HTR2C: variants seen among roughly 807,000 people sequenced by gnomAD.
HTR2C encodes 5-hydroxytryptamine (serotonin) receptor 2C, G protein-coupled.
HTR2C carries 5 observed loss-of-function variants against 21.0 expected under a neutral mutation model. The observed-to-expected ratio is 0.24, with a 90% CI of 0.12 to 0.50. HTR2C has a LOEUF of 0.50. Ranked by LOEUF, HTR2C falls within the 20% of genes least tolerant of loss-of-function variation. The probability of loss-of-function intolerance (pLI) is 0.98; values close to 1 mark genes in which losing one functional copy is unlikely to be tolerated. For synonymous variants in HTR2C, 150 were observed against 145.3 expected, an observed-to-expected ratio of 1.03 and a Z score of -0.23; for missense variants, 271 against 371.2, an observed-to-expected ratio of 0.73 and a Z score of 2.22.
At chrX:114,627,046 T>A (rs76183491) in intron 2 of HTR2C, among the ~76,000 whole-genome samples, 1 of 110,917 alleles carries the variant, frequency 9.0e-6, no homozygotes, top group Non-Finnish European at 1.9e-5. Flanking sequence ...AAATCCAAGA[T>A]TTTTTTTTGA....
intron 5 of HTR2C, among the ~76,000 whole-genome samples, chrX:114,872,235 A>G (rs1556476758): frequency 9.0e-6 from 1 of 110,864 alleles, no homozygotes; most frequent in Non-Finnish European, 1.9e-5. Flanking sequence ...AAAGGTATCA[A>G]TGTTAAGATC....
intron 2 of HTR2C, among the ~76,000 whole-genome samples, chrX:114,651,003 C>T (rs1930546330): frequency 8.9e-6 from 1 of 111,835 alleles, no homozygotes; most frequent in Admixed American, 9.5e-5. Flanking sequence ...TTGCTCACTT[C>T]TTGCAGTTTA....
At chrX:114,739,419 G>A (rs1556425016) in intron 4 of HTR2C, among the ~76,000 whole-genome samples, 1 of 111,758 alleles carries the variant, frequency 8.9e-6, no homozygotes. Context: ...AAGATATTCA[G>A]TGAGATAGCA....
chrX:114,906,128 T>TG (rs1395619025), intron 5 of HTR2C, among the ~76,000 whole-genome samples: 4 of 112,397 alleles, frequency 3.6e-5, no homozygotes, highest in Non-Finnish European at 7.5e-5. Context: ...AGGTGGTATT[T>TG]GTCTCATTTT....
chrX:114,679,311 C>T (rs1434406317), intron 2 of HTR2C, among the ~76,000 whole-genome samples: 7 of 110,505 alleles, frequency 6.3e-5, no homozygotes, highest in Non-Finnish European at 1.3e-4. Context: ...CAGAGTCTTG[C>T]TCTGCTGCCC....
At chrX:114,816,069 A>T (rs781952640) in intron 4 of HTR2C, among the ~76,000 whole-genome samples, 1 of 111,414 alleles carries the variant, frequency 9.0e-6, no homozygotes, top group East Asian at 2.8e-4. Flanking sequence ...CTCCCAGAAC[A>T]TCATGTGTAC....
chrX:114,809,393 T>G (rs2070509992), intron 4 of HTR2C, among the ~76,000 whole-genome samples: 1 of 104,379 alleles, frequency 9.6e-6, no homozygotes, highest in African/African-American at 3.5e-5. Flanking sequence ...TTTTTTGTTG[T>G]TTTTTTTTTG....
Position 114,851,834 on chromosome X carries a change from C to T in HTR2C, c.550+3631C>T, listed in dbSNP as rs1484537739. Reference sequence around the variant, plus strand: ...TTTAGTGGGCAATGGTTTTATAAAGCAGGATGCAGAAGCTCAGTATGCTCA... The same window carrying T: ...TTTAGTGGGCAATGGTTTTATAAAGTAGGATGCAGAAGCTCAGTATGCTCA... On this transcript the variant is annotated intron_variant, in intron 5 of 5. Transcript: ENST00000276198. Among the ~76,000 whole-genome samples the T allele has an allele frequency of 2.7e-5, 3 of 111,235 alleles. No individual in the cohort carries two copies. In the Admixed American group the frequency reaches 2.9e-4, roughly 11 times the overall value.
At chrX:114,592,968 C>T (rs1322735733) in intron 1 of HTR2C, among the ~76,000 whole-genome samples, 1 of 112,072 alleles carries the variant, frequency 8.9e-6, no homozygotes, top group Non-Finnish European at 1.9e-5. Context: ...TAACAGGGAA[C>T]ATTAGGAAAT....
At chrX:114,825,517 A>G (rs1035516742) in intron 4 of HTR2C, among the ~76,000 whole-genome samples, 2 of 111,740 alleles carry the variant, frequency 1.8e-5, no homozygotes, top group African/African-American at 3.2e-5. Flanking sequence ...TTCTTCAGGT[A>G]TATTTTATGA....
chrX:114,816,864 C>T lies in HTR2C; in HGVS notation c.350-31139C>T, dbSNP rs962476249. On this transcript the variant is annotated intron_variant, in intron 4 of 5. Transcript: ENST00000276198. ...AATTCTGGGAAGATGAAAATGTTGA[C>T]GATTTAAAACCTATTCAAAGAAAAA... Among the ~76,000 whole-genome samples, 14 of 109,356 alleles carry T rather than the reference C, an allele frequency of 1.3e-4. No individual in the cohort carries two copies. In the East Asian group the frequency reaches 2.9e-3, roughly 23 times the overall value. The allele number at this position is 109,356 out of a possible 115,157, so 95.0% of individuals were successfully genotyped here. A position where few individuals can be genotyped will look rare whatever the true frequency, so the allele number is the denominator to read the frequency against.
chrX:114,751,653 G>C (rs1267451366), intron 4 of HTR2C, among the ~76,000 whole-genome samples: 1 of 111,669 alleles, frequency 9.0e-6, no homozygotes, highest in Non-Finnish European at 1.9e-5. Context: ...TGTCATTTGA[G>C]TACTTACTTC....
chrX:114,667,044 T>C (rs1217022037), intron 2 of HTR2C, among the ~76,000 whole-genome samples: 2 of 111,164 alleles, frequency 1.8e-5, no homozygotes, highest in Non-Finnish European at 3.8e-5. Context: ...TTTGTTTGCT[T>C]CTTGAATTTT....
chrX:114,749,143 AAAC>A (rs781835601), intron 4 of HTR2C, among the ~76,000 whole-genome samples: 2 of 110,209 alleles, frequency 1.8e-5, no homozygotes, highest in Non-Finnish European at 3.8e-5. Context: ...AAACCACACA[AAAC>A]AACAACAACA....
chrX:114,787,321 A>G (rs782090498), intron 4 of HTR2C, among the ~76,000 whole-genome samples: 14 of 111,953 alleles, frequency 1.3e-4, no homozygotes, highest in Non-Finnish European at 1.9e-4. Flanking sequence ...CATTGCATCA[A>G]TTTTCATGCA....
intron 4 of HTR2C, among the ~76,000 whole-genome samples, chrX:114,815,929 A>G (rs1556454324): frequency 9.0e-6 from 1 of 110,623 alleles, no homozygotes; most frequent in African/African-American, 3.3e-5. Context: ...CTATGACATC[A>G]TTACTGATCT....
At chrX:114,879,858 G>C (rs1256044262) in intron 5 of HTR2C, among the ~76,000 whole-genome samples, 1 of 110,639 alleles carries the variant, frequency 9.0e-6, no homozygotes, top group Non-Finnish European at 1.9e-5. Context: ...ATTTGGGCTG[G>C]TTCCATATTT....
chrX:114,695,619 A>G (rs1260970381), intron 2 of HTR2C, among the ~76,000 whole-genome samples: 2 of 112,007 alleles, frequency 1.8e-5, no homozygotes, highest in Non-Finnish European at 3.8e-5. Context: ...TCTTTTGAAG[A>G]GCCATGAATT....
At chrX:114,585,596 C>T (rs1556389405) in intron 1 of HTR2C, among the ~76,000 whole-genome samples, 2 of 111,061 alleles carry the variant, frequency 1.8e-5, no homozygotes, top group Non-Finnish European at 3.8e-5. Flanking sequence ...TTCTTTTCTG[C>T]GCCATGCCCT....
Sources: gnomAD v4.1 joint callset for allele counts (sites outside exome capture counted in the v4.1 genomes callset) on GRCh38, gnomAD v4.1.1 for gene constraint, MANE v1.5 for transcripts, NCBI Gene and HGNC (gene_info 2026-07-23, HGNC 2026-07-21) for gene names.